The following ZNF804B variants were observed in gnomAD, a reference collection of about 807,000 sequenced individuals.
ZNF804B encodes the protein zinc finger protein 804B, also known as zinc finger 804B.
In ZNF804B, 80 loss-of-function variants were observed where a neutral mutation model predicts 101.4. The ratio of observed to expected loss-of-function variants is 0.79; its 90% confidence interval spans 0.66 to 0.95. The LOEUF is 0.95. ZNF804B is among the 40% of genes least tolerant of loss of function. The pLI is 0.00. For synonymous variants in ZNF804B, 622 were observed against 558.8 expected (o/e 1.11, Z -1.59); for missense variants, 1,673 against 1,561.9 (o/e 1.07, Z -1.20).
At chr7:89,017,875 A>G (rs1788595911) in intron 1 of ZNF804B, among the ~76,000 whole-genome samples, 1 of 151,936 alleles carries the variant, frequency 6.6e-6, no homozygotes, top group Non-Finnish European at 1.5e-5. Flanking sequence ...TTTCTTCTGC[A>G]ATTTTGCTGA....
At chr7:88,779,284 A>G (rs1790190079) in intron 1 of ZNF804B, among the ~76,000 whole-genome samples, 1 of 152,180 alleles carries the variant, frequency 6.6e-6, no homozygotes, top group African/African-American at 2.4e-5. Context: ...CAAGTATTCC[A>G]TGAATTTTTT....
intron 1 of ZNF804B, among the ~76,000 whole-genome samples, chr7:88,784,294 A>G (rs1790268368): frequency 6.6e-6 from 1 of 152,184 alleles, no homozygotes; most frequent in African/African-American, 2.4e-5. Context: ...CACATATTCT[A>G]AACTCACTTT....
At chr7:89,299,601 G>T (rs1022862881) in intron 2 of ZNF804B, among the ~76,000 whole-genome samples, 5 of 151,974 alleles carry the variant, frequency 3.3e-5, no homozygotes, top group Admixed American at 1.3e-4. Flanking sequence ...ACAAAACTCA[G>T]CTGGCTTATT....
chr7:89,222,558 T>G (rs1789020815), intron 2 of ZNF804B, among the ~76,000 whole-genome samples: 1 of 151,984 alleles, frequency 6.6e-6, no homozygotes, highest in Admixed American at 6.6e-5. Flanking sequence ...GGCTCTTGAC[T>G]CCGTTTCCAG....
intron 1 of ZNF804B, among the ~76,000 whole-genome samples, chr7:89,119,537 C>A (rs970460216): frequency 6.6e-6 from 1 of 152,118 alleles, no homozygotes; most frequent in African/African-American, 2.4e-5. Context: ...CAAAATAAAT[C>A]AATAATTATA....
rs1374236095 is a variant in ZNF804B at position 89,220,004 on chromosome 7, C to CATATATGTATAT, written c.249+1710_249+1711insTATATGTATATA. Reference sequence around the variant, plus strand: ...ACATATGTGTGCATATATGTATATGCACATATATGTGTGTATACATATATA... The same window carrying CATATATGTATAT: ...ACATATGTGTGCATATATGTATATGCATATATGTATATACATATATGTGTGTATACATATATA... On this transcript the variant is annotated intron_variant, in intron 2 of 3. Transcript: ENST00000333190. Among the ~76,000 whole-genome samples, 93 of 14,810 alleles carry CATATATGTATAT rather than the reference C, an allele frequency of 6.3e-3. 31 individuals are homozygous for CATATATGTATAT. Among genetic ancestry groups the CATATATGTATAT allele is most frequent in the Non-Finnish European group, 9.9e-3 (70 of 7,084 alleles). The allele number at this position is 14,810 out of a possible 152,430, so 9.7% of individuals were successfully genotyped here. A position where few individuals can be genotyped will look rare whatever the true frequency, so the allele number is the denominator to read the frequency against.
chr7:89,099,498 G>A (rs1159416561), intron 1 of ZNF804B, among the ~76,000 whole-genome samples: 3 of 152,202 alleles, frequency 2.0e-5, no homozygotes, highest in African/African-American at 4.8e-5. Context: ...GTCCAGTTCA[G>A]TGAAAGGAAT....
chr7:89,309,806 A>ATGCTTGGT (rs908864920), intron 2 of ZNF804B, among the ~76,000 whole-genome samples: 3 of 139,516 alleles, frequency 2.2e-5, no homozygotes, highest in Non-Finnish European at 3.1e-5. Flanking sequence ...AAGAAGCAGT[A>ATGCTTGGT]TGCTTGGTTG....
chr7:89,050,834 C>A (rs992042142), intron 1 of ZNF804B, among the ~76,000 whole-genome samples: 4 of 152,028 alleles, frequency 2.6e-5, no homozygotes, highest in Non-Finnish European at 4.4e-5. Flanking sequence ...TAATGATTAC[C>A]TTTCTGTCAT....
intron 1 of ZNF804B, among the ~76,000 whole-genome samples, chr7:89,134,210 G>T (rs185904244): frequency 8.3e-4 from 127 of 152,166 alleles, no homozygotes; most frequent in Non-Finnish European, 1.2e-3. Flanking sequence ...ATACAGCCAG[G>T]AACAGAATGT....
At position 88,903,511 on chromosome 7, in the gene ZNF804B, T is replaced by C. The variant is rs545804584; in HGVS notation, c.108+143427T>C. On this transcript the variant is annotated intron_variant, in intron 1 of 3. Coordinates refer to ENST00000333190, the MANE Select transcript of ZNF804B (RefSeq NM_181646.5). ...TGTTGAATCGTAGTTCTGTTGGAAG[T>C]TATTTGAGAAATCTCCAAAACTGCT... Among the ~76,000 whole-genome samples, 25 of 152,274 alleles carry C rather than the reference T, an allele frequency of 1.6e-4. No homozygotes were observed. In the East Asian group the frequency reaches 4.6e-3, roughly 28 times the overall value.
chr7:89,233,149 A>G (rs1226157295), intron 2 of ZNF804B, among the ~76,000 whole-genome samples: 2 of 151,728 alleles, frequency 1.3e-5, no homozygotes, highest in South Asian at 2.1e-4. Flanking sequence ...GATGGTCTCC[A>G]TCTCCTGACC....
At chr7:89,271,854 C>T (rs532369701) in intron 2 of ZNF804B, among the ~76,000 whole-genome samples, 122 of 152,098 alleles carry the variant, frequency 8.0e-4, no homozygotes, top group African/African-American at 2.8e-3. Flanking sequence ...AGTTTATTTG[C>T]GTAGAGGTGT....
intron 1 of ZNF804B, among the ~76,000 whole-genome samples, chr7:88,974,595 T>G (rs1165918470): frequency 6.6e-6 from 1 of 151,338 alleles, no homozygotes; most frequent in Non-Finnish European, 1.5e-5. Context: ...ATATTTACTA[T>G]GAACAAAAGG....
rs372995954 is a variant in ZNF804B, at chr7:89,333,515, C to A, written c.533C>A (p.Ser178Tyr). 77 of 1,613,318 alleles carry A rather than the reference C, an allele frequency of 4.8e-5. 1 individual carries two copies. Among genetic ancestry groups the A allele is most frequent in the Non-Finnish European group, 4.6e-5 (54 of 1,179,632 alleles). ...GGAAAAAATCTCCCCAGAATCATAT[C>A]CGATAAACAGCGGTCCACCATGCCA... ...LKGKNLPRII[S>Y]DKQRSTMPNR... The change falls in exon 4 of 4, where the codon TCC (serine) becomes TAC (tyrosine). Residue 178 changes from serine (S) to tyrosine (Y), a missense_variant. Coordinates refer to ENST00000333190, the MANE Select transcript of ZNF804B (RefSeq NM_181646.5).
At chr7:88,794,056 T>C in intron 1 of ZNF804B, 1 of 691,276 alleles carries the variant, frequency 1.4e-6, no homozygotes, top group East Asian at 2.8e-5. Flanking sequence ...AAGATTAATA[T>C]ATTACCTCTG....
chr7:88,788,261 C>T (rs544616037), intron 1 of ZNF804B, among the ~76,000 whole-genome samples: 11 of 152,176 alleles, frequency 7.2e-5, no homozygotes, highest in African/African-American at 2.6e-4. Context: ...CTAATCATGG[C>T]AACAAGGCCC....
chr7:88,911,224 A>G (rs1792546085), intron 1 of ZNF804B, among the ~76,000 whole-genome samples: 1 of 151,924 alleles, frequency 6.6e-6, no homozygotes, highest in Non-Finnish European at 1.5e-5. Flanking sequence ...AGAAAGGTTC[A>G]GAATCATTCC....
intron 1 of ZNF804B, among the ~76,000 whole-genome samples, chr7:89,107,651 A>G (rs1429795227): frequency 6.6e-6 from 1 of 152,118 alleles, no homozygotes; most frequent in African/African-American, 2.4e-5. Context: ...AACTGGAGAG[A>G]ATCAGTGTAT....
Sources: gnomAD v4.1 joint callset for allele counts (sites outside exome capture counted in the v4.1 genomes callset) on GRCh38, gnomAD v4.1.1 for gene constraint, MANE v1.5 for transcripts, NCBI Gene and HGNC (gene_info 2026-07-23, HGNC 2026-07-21) for gene names.